The following DDX60L variants were observed in gnomAD, a reference collection of about 807,000 sequenced individuals.
DDX60L encodes probable ATP-dependent RNA helicase DDX60-like.
A neutral mutation model predicts 211.6 loss-of-function variants in DDX60L; 191 were observed. The ratio of observed to expected loss-of-function variants is 0.90; its 90% confidence interval spans 0.80 to 1.02. The LOEUF is 1.02. Among genes scored for constraint, DDX60L ranks in the 50% least tolerant of loss-of-function variants. DDX60L has a pLI of 0.00. For missense variants in DDX60L, 2,007 were observed against 1,984.1 expected (o/e 1.01, Z -0.22); for synonymous variants, 706 against 694.1 (o/e 1.02, Z -0.27).
intron 22 of DDX60L, among the ~76,000 whole-genome samples, chr4:168,408,495 C>T (rs1453704186): frequency 6.6e-6 from 1 of 151,750 alleles, no homozygotes; most frequent in Non-Finnish European, 1.5e-5. Flanking sequence ...CTTAAGCTGG[C>T]CTAGATAATA....
chr4:168,455,686 A>G (rs1341819096), intron 7 of DDX60L, among the ~76,000 whole-genome samples: 1 of 152,112 alleles, frequency 6.6e-6, no homozygotes, highest in East Asian at 1.9e-4. Context: ...CCCTCCTCCA[A>G]TTTGTTTCTT....
intron 14 of DDX60L, among the ~76,000 whole-genome samples, chr4:168,425,067 A>G (rs1751236426): frequency 6.6e-6 from 1 of 152,234 alleles, no homozygotes; most frequent in South Asian, 2.1e-4. Flanking sequence ...TAACTTTAAG[A>G]ATACAACTCA....
rs749222089 is a variant in DDX60L, at chr4:168,471,863, A to T, written c.148T>A (p.Cys50Ser). ...VIDGDSLLVT[C>S]LGVKSFKWGQ... ...CACTTGAATGATTTTACACCCAGGC[A>T]TGTGACAAGCAAGGAATCTCCATCA... is the stretch of plus-strand genomic sequence containing the variant. The change falls in exon 4 of 38, where the codon TGC becomes AGC. Residue 50 changes from cysteine (C) to serine (S), a missense_variant. Cys to Ser is a moderately radical substitution (Grantham distance 112, BLOSUM62 -1). Coordinates refer to ENST00000682922, the MANE Select transcript of DDX60L (RefSeq NM_001012967.3). 6.2e-7 allele frequency: 1 copy of T among 1,613,652 alleles called. No homozygotes were observed. The highest frequency in any genetic ancestry group is 1.1e-5 in the South Asian group (1 of 90,970).
At chr4:168,470,804 C>T (rs1303668592) in intron 4 of DDX60L, 4 of 239,722 alleles carry the variant, frequency 1.7e-5, no homozygotes, top group Non-Finnish European at 3.4e-5. Flanking sequence ...CACGGCATTG[C>T]ACTTCAGCCT....
intron 28 of DDX60L, among the ~76,000 whole-genome samples, chr4:168,394,126 G>A (rs1745347956): frequency 6.6e-6 from 1 of 151,980 alleles, no homozygotes; most frequent in Non-Finnish European, 1.5e-5. Context: ...ACGCTGGGAG[G>A]TGGAGGTTGC....
At chr4:168,426,191 G>A (rs1751419701) in intron 14 of DDX60L, among the ~76,000 whole-genome samples, 1 of 152,172 alleles carries the variant, frequency 6.6e-6, no homozygotes, top group Non-Finnish European at 1.5e-5. Context: ...CCCTGCTCTT[G>A]TCAAGAACTA....
In DDX60L at chr4:168,427,283, T is replaced by G. The variant is rs1394710920; in HGVS notation, c.1717A>C (p.Lys573Gln). ...TTCTGATCTTCTTTGAGAAATGACT[T>G]TTTCTTACTCTTTTTGGTAATTTGG... Reference protein sequence around the residue: ...PHQITKKSKKKSFLKEDQNKA... With the variant: ...PHQITKKSKKQSFLKEDQNKA... Residue 573 changes from lysine to glutamine, a missense_variant, in exon 14 of 38, where the codon AAG (lysine) becomes CAG (glutamine). Lys to Gln is a moderately conservative substitution (Grantham distance 53). Transcript: ENST00000682922. The G allele has an allele frequency of 1.2e-6, 2 of 1,613,588 alleles. No individual in the cohort carries two copies. The highest frequency in any genetic ancestry group is 1.7e-6 in the Non-Finnish European group (2 of 1,179,820).
At chr4:168,432,242 TTGTG>T (rs367842213) in intron 12 of DDX60L, among the ~76,000 whole-genome samples, 7 of 147,902 alleles carry the variant, frequency 4.7e-5, no homozygotes, top group Admixed American at 2.7e-4. Flanking sequence ...TATATATATA[TTGTG>T]TGTGTGTGTG....
At chr4:168,378,277 T>C (rs2149669751) in intron 33 of DDX60L, 77 bp downstream of exon 33, 2 of 827,498 alleles carry the variant, frequency 2.4e-6, no homozygotes, top group Non-Finnish European at 1.8e-6. Flanking sequence ...TTTAACCCTA[T>C]AGGTACTGAA....
At chr4:168,467,381 C>T (rs1758129579) in intron 4 of DDX60L, among the ~76,000 whole-genome samples, 1 of 146,578 alleles carries the variant, frequency 6.8e-6, no homozygotes, top group Middle Eastern at 3.4e-3. Flanking sequence ...TGCTATGTTG[C>T]AGCCTGGGAG....
At chr4:168,389,298 G>A (rs978742061) in intron 29 of DDX60L, among the ~76,000 whole-genome samples, 2 of 152,130 alleles carry the variant, frequency 1.3e-5, no homozygotes, top group Admixed American at 1.3e-4. Context: ...ATATAAATGA[G>A]TATATTTTGA....
At chr4:168,419,218 G>T in intron 19 of DDX60L, 84 bp downstream of exon 19, 3 of 917,466 alleles carry the variant, frequency 3.3e-6, no homozygotes, top group African/African-American at 1.7e-5. Context: ...TGCCATCATT[G>T]AAAAAGCCCT....
chr4:168,447,742 T>C (rs1434555044), intron 9 of DDX60L, among the ~76,000 whole-genome samples: 3 of 151,130 alleles, frequency 2.0e-5, no homozygotes, highest in African/African-American at 7.3e-5. Flanking sequence ...ATGGATGAAA[T>C]TGGAAATCAT....
intron 29 of DDX60L, among the ~76,000 whole-genome samples, chr4:168,386,810 A>C (rs761245751): frequency 2.6e-5 from 4 of 152,234 alleles, no homozygotes; most frequent in African/African-American, 9.6e-5. Context: ...GAAAAAAGCA[A>C]GAAGACAGAG....
At chr4:168,454,951 C>T (rs1756330926) in intron 7 of DDX60L, among the ~76,000 whole-genome samples, 1 of 151,462 alleles carries the variant, frequency 6.6e-6, no homozygotes, top group Admixed American at 6.6e-5. Flanking sequence ...CTAGTTATTT[C>T]AAAGGGACAT....
intron 1 of DDX60L, among the ~76,000 whole-genome samples, chr4:168,479,162 GGATA>G (rs906209371): frequency 3.1e-4 from 23 of 73,554 alleles, no homozygotes; most frequent in Middle Eastern, 8.8e-3. Context: ...ATGGATGGAT[GGATA>G]GAGAGATAGG....
rs375662028 is a variant in DDX60L at position 168,421,766 on chromosome 4, G to T, written c.2388C>A (p.Pro796=). 3.2e-5 allele frequency: 51 copies of T among 1,613,922 alleles called. No individual in the cohort carries two copies. The East Asian group carries it at 8.7e-4, about 27-fold the overall frequency. Reference sequence around the variant, plus strand: ...AAAGTCATTCAAACACTACCTTTGCGGGTGCAACGTACACAACCACCCCGA... The same window carrying T: ...AAAGTCATTCAAACACTACCTTTGCTGGTGCAACGTACACAACCACCCCGA... The part of the protein sequence containing the change: ...SDVGVVVYVA[P]AKSLVGQVAA... The change falls in exon 17 of 38, where the codon CCC becomes CCA. Residue 796 remains proline (P), a synonymous_variant. Coordinates refer to ENST00000682922, the MANE Select transcript of DDX60L (RefSeq NM_001012967.3).
intron 36 of DDX60L, among the ~76,000 whole-genome samples, chr4:168,368,819 C>G (rs1178882582): frequency 6.6e-6 from 1 of 152,218 alleles, no homozygotes; most frequent in Non-Finnish European, 1.5e-5. Flanking sequence ...TAAGATTTGA[C>G]TGCCCTGCTG....
chr4:168,361,039 T>A, intron 37 of DDX60L, 110 bp downstream of exon 37: 1 of 801,868 alleles, frequency 1.2e-6, no homozygotes, highest in Non-Finnish European at 2.1e-6. Context: ...CTCAATAGTA[T>A]CTTCAGAGTG....
Sources: gnomAD v4.1 joint callset for allele counts (sites outside exome capture counted in the v4.1 genomes callset) on GRCh38, gnomAD v4.1.1 for gene constraint, MANE v1.5 for transcripts, NCBI Gene and HGNC (gene_info 2026-07-23, HGNC 2026-07-21) for gene names.